MRPS27: variants seen among roughly 807,000 people sequenced by gnomAD.
MRPS27 encodes small ribosomal subunit protein mS27.
Under a neutral mutation model 48.9 loss-of-function variants are expected in MRPS27, and 43 were observed. The observed-to-expected ratio is 0.88, with a 90% CI of 0.69 to 1.13. The LOEUF is 1.13. MRPS27 is among the 50% of genes most tolerant of loss of function. The pLI is 0.00. For missense variants in MRPS27, 467 were observed against 476.3 expected (o/e 0.98, Z 0.18); for synonymous variants, 188 against 171.9 (o/e 1.09, Z -0.73).
chr5:72,302,842 G>T (rs1750157987), intron 2 of MRPS27, among the ~76,000 whole-genome samples: 2 of 152,202 alleles, frequency 1.3e-5, no homozygotes, highest in South Asian at 4.1e-4. Flanking sequence ...GACCACCTAA[G>T]GGAACTACAC....
chr5:72,270,576 C>T (rs1438141582), intron 4 of MRPS27, among the ~76,000 whole-genome samples: 3 of 152,024 alleles, frequency 2.0e-5, no homozygotes, highest in East Asian at 1.9e-4. Flanking sequence ...ATAATACCTT[C>T]GGTGAATGCT....
chr5:72,223,951 A>C (rs1053698539), intron 9 of MRPS27, 101 bp from the exon 10 acceptor site: 25 of 1,154,982 alleles, frequency 2.2e-5, no homozygotes, highest in Non-Finnish European at 3.0e-5. Flanking sequence ...AATGAGCTCT[A>C]AAAGACTGTG....
chr5:72,238,217 T>C, intron 4 of MRPS27, 89 bp from the exon 5 acceptor site: 2 of 820,226 alleles, frequency 2.4e-6, no homozygotes, highest in East Asian at 5.1e-5. Flanking sequence ...CTTAGATACT[T>C]ACAGAGTGCA....
At chr5:72,266,837 G>A (rs1234238969) in intron 4 of MRPS27, among the ~76,000 whole-genome samples, 2 of 152,062 alleles carry the variant, frequency 1.3e-5, no homozygotes, top group Non-Finnish European at 2.9e-5. Context: ...TCCAGCCTGG[G>A]TGACAGAGCG....
At chr5:72,264,669 A>C (rs529956322) in intron 4 of MRPS27, among the ~76,000 whole-genome samples, 1 of 152,294 alleles carries the variant, frequency 6.6e-6, no homozygotes, top group South Asian at 2.1e-4. Context: ...AAAGGCACAG[A>C]CTGGAGTGGG....
chr5:72,223,588 T>G (rs1465702992), intron 10 of MRPS27, 95 bp downstream of exon 10: 2 of 1,432,260 alleles, frequency 1.4e-6, no homozygotes, highest in Non-Finnish European at 1.9e-6. Flanking sequence ...TGCCTCTTTG[T>G]GTGACATTGA....
chr5:72,308,439 T>C (rs116149298), intron 2 of MRPS27, among the ~76,000 whole-genome samples: 1,760 of 152,330 alleles, frequency 0.012, 26 homozygotes, highest in African/African-American at 0.038. Context: ...GAGCCCGCTT[T>C]GAGCACCTCA....
At chr5:72,306,611 G>C (rs1411316876) in intron 2 of MRPS27, among the ~76,000 whole-genome samples, 1 of 151,958 alleles carries the variant, frequency 6.6e-6, no homozygotes. Context: ...CACATTGCAA[G>C]GTATGGACCT....
At chr5:72,245,134 T>G (rs902306961) in intron 4 of MRPS27, among the ~76,000 whole-genome samples, 3 of 152,164 alleles carry the variant, frequency 2.0e-5, no homozygotes, top group Non-Finnish European at 4.4e-5. Flanking sequence ...TCAGTGAAAC[T>G]GCACCCAGAA....
In MRPS27 at chr5:72,278,859, T is replaced by TA. The variant is rs1238573696; in HGVS notation, c.281+16671dup. Reference sequence around the variant, plus strand: ...CTCACTGTTGTATGGTATTCCATTGTAAAAAAAAGTCTATCACATTTTTCT... The same window carrying TA: ...CTCACTGTTGTATGGTATTCCATTGTAAAAAAAAAGTCTATCACATTTTTCT... On this transcript the variant is annotated intron_variant, in intron 4 of 10. Coordinates refer to ENST00000261413, the MANE Select transcript of MRPS27 (RefSeq NM_015084.3). Among the ~76,000 whole-genome samples the TA allele has an allele frequency of 1.4e-4, 21 of 152,190 alleles. No homozygotes were observed. In the East Asian group the frequency reaches 2.5e-3, roughly 18 times the overall value.
chr5:72,298,582 T>C (rs1422484921), intron 2 of MRPS27, among the ~76,000 whole-genome samples: 2 of 151,762 alleles, frequency 1.3e-5, no homozygotes, highest in African/African-American at 2.4e-5. Flanking sequence ...GGCGGGCGCC[T>C]GTAGTCCCAG....
intron 4 of MRPS27, among the ~76,000 whole-genome samples, chr5:72,263,949 C>T (rs916047346): frequency 3.9e-5 from 6 of 152,070 alleles, no homozygotes; most frequent in East Asian, 3.9e-4. Flanking sequence ...CATGCATGTT[C>T]GTAGCAGCAC....
chr5:72,318,661 G>A (rs559961966), intron 1 of MRPS27, among the ~76,000 whole-genome samples: 162 of 152,322 alleles, frequency 1.1e-3, no homozygotes, highest in African/African-American at 3.8e-3. Context: ...GGGAGTGGTG[G>A]CGCATGCCTG....
At chr5:72,297,921 T>G (rs1366801490) in intron 2 of MRPS27, among the ~76,000 whole-genome samples, 1 of 152,234 alleles carries the variant, frequency 6.6e-6, no homozygotes, top group African/African-American at 2.4e-5. Context: ...CTTTTTACCA[T>G]GTATTTAGCT....
intron 1 of MRPS27, among the ~76,000 whole-genome samples, chr5:72,315,952 C>T (rs188885351): frequency 1.6e-4 from 24 of 152,202 alleles, no homozygotes; most frequent in Admixed American, 5.9e-4. Flanking sequence ...TTATTCATAA[C>T]GGACAAAAAG....
chr5:72,287,193 C>T (rs1374688371), intron 4 of MRPS27, among the ~76,000 whole-genome samples: 3 of 152,054 alleles, frequency 2.0e-5, no homozygotes, highest in Non-Finnish European at 4.4e-5. Flanking sequence ...AGTTTCATCC[C>T]CAAACCATCC....
At chr5:72,280,137 T>G (rs937293902) in intron 4 of MRPS27, among the ~76,000 whole-genome samples, 4 of 152,226 alleles carry the variant, frequency 2.6e-5, no homozygotes, top group African/African-American at 9.6e-5. Context: ...CTAATAAGTC[T>G]TGTTGTCTAT....
At position 72,252,301 on chromosome 5, in the gene MRPS27, T is replaced by C. The variant is rs1458883043; in HGVS notation, c.282-14173A>G. On this transcript the variant is annotated intron_variant, in intron 4 of 10. Transcript: ENST00000261413. ...GTATATTTCTCTGAATGAATACTTA[T>C]AAAAAATGTAGCATACTAAAGAACT... 4.0e-5 allele frequency among the ~76,000 whole-genome samples: 6 copies of C among 151,256 alleles called. No homozygotes were observed. The South Asian group carries it at 6.2e-4, about 16-fold the overall frequency.
intron 5 of MRPS27, 122 bp downstream of exon 5, chr5:72,237,892 T>C (rs1366612825): frequency 1.2e-5 from 8 of 664,224 alleles, no homozygotes; most frequent in Admixed American, 2.6e-5. Flanking sequence ...AATAAGAATA[T>C]TTGAGGCCAA....
Sources: gnomAD v4.1 joint callset for allele counts (sites outside exome capture counted in the v4.1 genomes callset) on GRCh38, gnomAD v4.1.1 for gene constraint, MANE v1.5 for transcripts, NCBI Gene and HGNC (gene_info 2026-07-23, HGNC 2026-07-21) for gene names.